Variants in CRYZL1 observed in about 807,000 individuals in gnomAD.
CRYZL1 encodes the protein ferry endosomal RAB5 effector complex subunit 4.
A neutral mutation model predicts 50.6 loss-of-function variants in CRYZL1; 34 were observed. That is an observed-to-expected ratio of 0.67 (90% CI 0.51 to 0.89). The LOEUF (loss-of-function observed/expected upper bound fraction) is 0.89, where lower values mean the gene tolerates loss of function less well. CRYZL1 is among the 40% of genes least tolerant of loss of function. The pLI is 0.00. For missense variants in CRYZL1, 354 were observed against 402.3 expected, an observed-to-expected ratio of 0.88 and a Z score of 1.03; for synonymous variants, 125 against 134.3, an observed-to-expected ratio of 0.93 and a Z score of 0.48.
intron 9 of CRYZL1, 71 bp from the exon 10 acceptor site, chr21:33,597,472 A>G: frequency 8.2e-7 from 1 of 1,220,252 alleles, no homozygotes; most frequent in Non-Finnish European, 1.2e-6. Flanking sequence ...ACAAAAATTT[A>G]TTCTTCAAAC....
chr21:33,621,574 CT>C (rs1425419253), intron 4 of CRYZL1, among the ~76,000 whole-genome samples: 2 of 151,976 alleles, frequency 1.3e-5, no homozygotes, highest in African/African-American at 4.8e-5. Flanking sequence ...ATCTCCTGAC[CT>C]TGTGATCCGC....
At chr21:33,604,119 G>C (rs1251059373) in intron 6 of CRYZL1, among the ~76,000 whole-genome samples, 1 of 152,094 alleles carries the variant, frequency 6.6e-6, no homozygotes, top group East Asian at 1.9e-4. Flanking sequence ...TGTAATCCTA[G>C]CACTTTGGGA....
chr21:33,616,080 C>A lies in CRYZL1; in HGVS notation c.262+626G>T, dbSNP rs561418606. ...ATATCTCCCAATGCTATCCCTCCCC[C>A]CCCCAACCCCACCACAGTCCCCAGA... On this transcript the variant is annotated intron_variant, in intron 5 of 12. Transcript: ENST00000381554. Among the ~76,000 whole-genome samples, 52 of 152,158 alleles carry A rather than the reference C, an allele frequency of 3.4e-4. 1 individual carries two copies. The highest frequency in any genetic ancestry group is 6.5e-4 in the African/African-American group (27 of 41,534).
In CRYZL1 at chr21:33,637,423, C is replaced by T. The variant is rs2087221183; in HGVS notation, c.-7+4258G>A. Among the ~76,000 whole-genome samples the T allele has an allele frequency of 2.1e-5, 3 of 145,256 alleles. No homozygotes were observed. In the South Asian group the frequency reaches 6.6e-4, roughly 32 times the overall value. ...TCGCGCCACTGCACTCCAGCCTGGG[C>T]GACAGAGCGAGACTCTGTCTCAAAA... On this transcript the variant is annotated intron_variant, in intron 1 of 12. Transcript: ENST00000381554.
At chr21:33,599,111 AAAAAACTACAC>A (rs1436798023) in intron 9 of CRYZL1, 28 bp downstream of exon 9, 4 of 1,586,572 alleles carry the variant, frequency 2.5e-6, no homozygotes, top group Non-Finnish European at 3.4e-6. Flanking sequence ...CATCAAACTA[AAAAAACTACAC>A]AGGCTACTAA....
intron 1 of CRYZL1, among the ~76,000 whole-genome samples, chr21:33,633,425 T>G (rs947054060): frequency 6.6e-6 from 1 of 152,128 alleles, no homozygotes; most frequent in Non-Finnish European, 1.5e-5. Flanking sequence ...AATACTTTTT[T>G]TTTTTCTTTT....
At chr21:33,609,145 A>G (rs139369571) in intron 6 of CRYZL1, among the ~76,000 whole-genome samples, 46 of 152,232 alleles carry the variant, frequency 3.0e-4, no homozygotes, top group African/African-American at 1.0e-3. Flanking sequence ...AGAAATGTCT[A>G]TTCAGGTCCT....
rs150098706 is a variant in CRYZL1, at chr21:33,638,969, A to G, written c.-7+2712T>C. On this transcript the variant is annotated intron_variant, in intron 1 of 12. Transcript: ENST00000381554. ...TCTAATTGTGACAATCTTGATAAAT[A>G]TTATCAAGGCATATTCGATTGAATT... Among the ~76,000 whole-genome samples, 796 of 152,336 alleles carry G rather than the reference A, an allele frequency of 5.2e-3. 10 individuals are homozygous for G. Among genetic ancestry groups the G allele is most frequent in the African/African-American group, 0.018 (752 of 41,584 alleles).
At chr21:33,617,364 C>T (rs1198684625) in intron 4 of CRYZL1, among the ~76,000 whole-genome samples, 1 of 152,134 alleles carries the variant, frequency 6.6e-6, no homozygotes, top group African/African-American at 2.4e-5. Context: ...CTAATCTATT[C>T]TATAGCTTCT....
chr21:33,610,878 C>T (rs1170714048), intron 6 of CRYZL1, among the ~76,000 whole-genome samples: 9 of 149,828 alleles, frequency 6.0e-5, no homozygotes. Context: ...ATTACAGGCG[C>T]CCACGACCAT....
chr21:33,603,013 A>G (rs1427410789), intron 7 of CRYZL1: 2 of 166,058 alleles, frequency 1.2e-5, no homozygotes, highest in African/African-American at 4.8e-5. Flanking sequence ...GGACGTGTTG[A>G]TCTTTTGTGT....
At chr21:33,610,136 C>T (rs2086856152) in intron 6 of CRYZL1, among the ~76,000 whole-genome samples, 1 of 151,764 alleles carries the variant, frequency 6.6e-6, no homozygotes. Context: ...AGGCATGAGC[C>T]ACCACACCCA....
chr21:33,599,985 A>AT (rs1246005250), intron 8 of CRYZL1, among the ~76,000 whole-genome samples: 1 of 152,132 alleles, frequency 6.6e-6, no homozygotes, highest in Non-Finnish European at 1.5e-5. Flanking sequence ...TTAGAGCTAA[A>AT]AAACATAAAA....
In CRYZL1 at chr21:33,589,743, T is replaced by C. The variant is rs2145911525; in HGVS notation, c.*79A>G. ...AACTTGTTTTATCTTCCTTGGTTTT[T>C]CTCAACAATTTCCAAAGAAAATTCT... On this transcript the variant is annotated 3_prime_UTR_variant, in exon 13 of 13. Transcript: ENST00000381554. 4 of 938,476 alleles carry C rather than the reference T, an allele frequency of 4.3e-6. No individual in the cohort carries two copies. The highest frequency in any genetic ancestry group is 6.7e-6 in the Non-Finnish European group (4 of 594,556). 58.1% of individuals were successfully genotyped at this position (938,476 alleles called of 1,614,324 possible).
intron 1 of CRYZL1, among the ~76,000 whole-genome samples, chr21:33,634,801 C>T (rs997865950): frequency 6.6e-6 from 1 of 151,660 alleles, no homozygotes; most frequent in Non-Finnish European, 1.5e-5. Context: ...GGACCTTAGA[C>T]TGTGCCCCAA....
At chr21:33,596,599 T>C (rs1037919126) in intron 10 of CRYZL1, among the ~76,000 whole-genome samples, 3 of 152,094 alleles carry the variant, frequency 2.0e-5, no homozygotes, top group African/African-American at 4.8e-5. Context: ...GATCATGCCA[T>C]TGTGCTCCAG....
chr21:33,608,305 A>C (rs549939231), intron 6 of CRYZL1, among the ~76,000 whole-genome samples: 23 of 152,282 alleles, frequency 1.5e-4, no homozygotes, highest in African/African-American at 5.3e-4. Flanking sequence ...AAATACAAAA[A>C]GTAGCCAGGT....
intron 4 of CRYZL1, among the ~76,000 whole-genome samples, chr21:33,620,083 C>G (rs879290647): frequency 6.6e-6 from 1 of 152,148 alleles, no homozygotes; most frequent in African/African-American, 2.4e-5. Flanking sequence ...GAATGATCAT[C>G]TAGTTATTGT....
intron 1 of CRYZL1, among the ~76,000 whole-genome samples, chr21:33,635,346 C>CTTTTTT (rs11346670): frequency 3.2e-5 from 3 of 93,464 alleles, no homozygotes; most frequent in East Asian, 3.0e-4. Context: ...AAGTATTAAA[C>CTTTTTT]TTTTTTTTTT....
Sources: gnomAD v4.1 joint callset for allele counts (sites outside exome capture counted in the v4.1 genomes callset) on GRCh38, gnomAD v4.1.1 for gene constraint, MANE v1.5 for transcripts, NCBI Gene and HGNC (gene_info 2026-07-23, HGNC 2026-07-21) for gene names.